Variants in ACBD6 observed in about 807,000 individuals in gnomAD.
ACBD6 encodes the protein acyl-CoA binding domain containing 6.
A neutral mutation model predicts 37.2 loss-of-function variants in ACBD6; 28 were observed. The observed-to-expected ratio is 0.75, with a 90% CI of 0.56 to 1.03. The LOEUF is 1.03. Ranked by LOEUF, ACBD6 falls within the 50% of genes least tolerant of loss-of-function variation. The pLI is 0.00. For synonymous variants in ACBD6, 113 were observed against 126.8 expected (o/e 0.89, Z 0.73); for missense variants, 340 against 337.4 (o/e 1.01, Z -0.06).
chr1:180,471,582 T>A (rs1650568880), intron 3 of ACBD6, among the ~76,000 whole-genome samples: 1 of 152,044 alleles, frequency 6.6e-6, no homozygotes, highest in African/African-American at 2.4e-5. Context: ...TCTTACATGG[T>A]GACGGCAAGA....
intron 6 of ACBD6, among the ~76,000 whole-genome samples, chr1:180,379,245 G>A (rs894400226): frequency 3.3e-5 from 5 of 152,112 alleles, no homozygotes; most frequent in African/African-American, 1.2e-4. Context: ...TATATCTGTA[G>A]GAAAAAGTTC....
At chr1:180,338,523 T>A (rs1651838841) in intron 6 of ACBD6, among the ~76,000 whole-genome samples, 1 of 152,110 alleles carries the variant, frequency 6.6e-6, no homozygotes, top group Non-Finnish European at 1.5e-5. Context: ...CTACAAAAAT[T>A]AATTCAAGAT....
At chr1:180,435,926 C>T in intron 3 of ACBD6, 1 of 1,361,676 alleles carries the variant, frequency 7.3e-7, no homozygotes, top group South Asian at 1.2e-5. Flanking sequence ...TGGTTTAGGC[C>T]TGGAATTTCA....
chr1:180,412,126 C>T (rs556344293), intron 5 of ACBD6, among the ~76,000 whole-genome samples: 8 of 149,344 alleles, frequency 5.4e-5, no homozygotes, highest in Non-Finnish European at 1.0e-4. Flanking sequence ...AAAAAAAAAC[C>T]CAAAATACAA....
At chr1:180,435,700 G>A in intron 3 of ACBD6, 1 of 873,610 alleles carries the variant, frequency 1.1e-6, no homozygotes, top group South Asian at 1.3e-5. Context: ...AGAAGTTAGA[G>A]ACCGCTGTCA....
exon 14 of ACBD6, chr1:180,271,786 G>C (rs751133915): frequency 6.2e-7 from 1 of 1,605,482 alleles, no homozygotes; most frequent in East Asian, 2.2e-5. Context: ...GGGGGCTTTG[G>C]GTTTGTGGTG....
intron 6 of ACBD6, among the ~76,000 whole-genome samples, chr1:180,365,852 C>CT (rs949965903): frequency 6.6e-6 from 1 of 152,064 alleles, no homozygotes; most frequent in East Asian, 1.9e-4. Flanking sequence ...TTTGAAGAGT[C>CT]TTTTTTTTCT....
At chr1:180,441,926 G>A (rs370949468) in intron 3 of ACBD6, among the ~76,000 whole-genome samples, 2 of 152,140 alleles carry the variant, frequency 1.3e-5, no homozygotes, top group Non-Finnish European at 2.9e-5. Context: ...TGTTGAACAG[G>A]AGTGGTGAAA....
At chr1:180,491,948 T>C (rs1236683587) in intron 3 of ACBD6, among the ~76,000 whole-genome samples, 1 of 152,140 alleles carries the variant, frequency 6.6e-6, no homozygotes, top group Non-Finnish European at 1.5e-5. Context: ...TAGCTGGGAT[T>C]ACAGGTGTGT....
At chr1:180,384,623 A>G (rs1653782568) in intron 6 of ACBD6, among the ~76,000 whole-genome samples, 1 of 152,238 alleles carries the variant, frequency 6.6e-6, no homozygotes, top group African/African-American at 2.4e-5. Flanking sequence ...CAGAACTAAC[A>G]TACACTTCAG....
At chr1:180,453,819 G>T (rs1312266101) in intron 3 of ACBD6, among the ~76,000 whole-genome samples, 1 of 152,026 alleles carries the variant, frequency 6.6e-6, no homozygotes, top group African/African-American at 2.4e-5. Flanking sequence ...AAATTCCTAG[G>T]AATATAACTT....
chr1:180,364,163 C>T (rs1485130099), intron 6 of ACBD6, among the ~76,000 whole-genome samples: 1 of 152,172 alleles, frequency 6.6e-6, no homozygotes, highest in African/African-American at 2.4e-5. Context: ...AATATAATAT[C>T]TACATCTATA....
chr1:180,334,959 G>GA (rs1201618300), intron 6 of ACBD6, among the ~76,000 whole-genome samples: 3 of 152,192 alleles, frequency 2.0e-5, no homozygotes, highest in Admixed American at 2.0e-4. Flanking sequence ...GAAGTTTAGA[G>GA]AAAAAAGAAT....
intron 6 of ACBD6, among the ~76,000 whole-genome samples, chr1:180,322,364 G>A (rs537541546): frequency 6.6e-6 from 1 of 152,032 alleles, no homozygotes; most frequent in Admixed American, 6.5e-5. Context: ...TGATAATACT[G>A]GCCTTATAGA....
At chr1:180,460,378 C>T (rs1010434925) in intron 3 of ACBD6, among the ~76,000 whole-genome samples, 2 of 151,614 alleles carry the variant, frequency 1.3e-5, no homozygotes, top group African/African-American at 2.4e-5. Context: ...CCCAACAGGT[C>T]GCAGAAACGG....
chr1:180,471,926 T>C (rs185511695), intron 3 of ACBD6, among the ~76,000 whole-genome samples: 112 of 152,342 alleles, frequency 7.4e-4, no homozygotes, highest in African/African-American at 2.5e-3. Flanking sequence ...TCAAAATACA[T>C]GGTCTTATGC....
chr1:180,358,564 A>AC lies in ACBD6; in HGVS notation c.663+38951dup, dbSNP rs1553297718. ...ATATCATACAGAAACCCCAAAAAAA[A>AC]CCCCAAAAGAAAAACAATTTTAATA... is the stretch of plus-strand genomic sequence containing the variant. On this transcript the variant is annotated intron_variant, in intron 6 of 7. Transcript: ENST00000367595. Among the ~76,000 whole-genome samples, 870 of 150,586 alleles carry AC rather than the reference A, an allele frequency of 5.8e-3. 9 individuals are homozygous for AC. Among genetic ancestry groups the AC allele is most frequent in the African/African-American group, 0.02 (825 of 41,110 alleles).
intron 5 of ACBD6, among the ~76,000 whole-genome samples, chr1:180,412,889 T>A (rs1647917139): frequency 6.6e-6 from 1 of 152,134 alleles, no homozygotes; most frequent in Non-Finnish European, 1.5e-5. Context: ...AGGAGTAATA[T>A]ATTTTATAAA....
chr1:180,300,522 G>C (rs1024587290), intron 7 of ACBD6, among the ~76,000 whole-genome samples: 1 of 152,010 alleles, frequency 6.6e-6, no homozygotes, highest in Admixed American at 6.6e-5. Context: ...ACTTAAAATA[G>C]TAATTTTTAT....
Sources: allele counts gnomAD v4.1 joint callset (sites outside exome capture counted in the v4.1 genomes callset), GRCh38; gene constraint gnomAD v4.1.1; transcripts MANE v1.5; gene names NCBI Gene and HGNC (gene_info 2026-07-23, HGNC 2026-07-21).